MICAL2: variants seen among roughly 807,000 people sequenced by gnomAD.
The protein encoded by MICAL2 is microtubule associated monooxygenase, calponin and LIM domain containing 2, also known as [F-actin]-monooxygenase MICAL2.
A neutral mutation model predicts 127.3 loss-of-function variants in MICAL2; 77 were observed. The ratio of observed to expected loss-of-function variants is 0.60; its 90% CI spans 0.50 to 0.73. The LOEUF is 0.73. Among genes scored for constraint, MICAL2 ranks in the 30% least tolerant of loss-of-function variants. MICAL2 has a pLI of 0.00. For synonymous variants in MICAL2, 570 were observed against 551.1 expected, an observed-to-expected ratio of 1.03 and a Z score of -0.48; for missense variants, 1,351 against 1,434.4, an observed-to-expected ratio of 0.94 and a Z score of 0.94.
chr11:12,145,817 G>A (rs1006769719), intron 2 of MICAL2, among the ~76,000 whole-genome samples: 4 of 152,208 alleles, frequency 2.6e-5, no homozygotes, highest in Admixed American at 6.5e-5. Flanking sequence ...ACTGCCAGTT[G>A]GGTGGACGGC....
At chr11:12,129,008 A>G (rs7940840) in intron 1 of MICAL2, among the ~76,000 whole-genome samples, 28,960 of 152,176 alleles carry the variant, frequency 0.19, 3,169 homozygotes, top group South Asian at 0.32. Context: ...TGCCTTCTTA[A>G]TCTCTGAGGT....
intron 2 of MICAL2, among the ~76,000 whole-genome samples, chr11:12,146,469 C>T (rs1461128056): frequency 6.6e-6 from 1 of 152,234 alleles, no homozygotes; most frequent in Non-Finnish European, 1.5e-5. Context: ...AAATGCTCAT[C>T]ATCACTGGCC....
At chr11:12,291,177 G>A (rs1429048058), downstream of MICAL2, among the ~76,000 whole-genome samples, 1 of 152,174 alleles carries the variant, frequency 6.6e-6, no homozygotes, top group African/African-American at 2.4e-5. Context: ...GGTTGGGCTG[G>A]GGGTAGGTAC....
At chr11:12,344,919 A>C (rs991597974) in intron 32 of MICAL2, among the ~76,000 whole-genome samples, 18 of 149,250 alleles carry the variant, frequency 1.2e-4, no homozygotes, top group African/African-American at 4.4e-4. Context: ...CATCATGGCT[A>C]ACACGGTGAA....
In MICAL2 at chr11:12,222,635, G is replaced by C. The variant is rs756344018; in HGVS notation, c.1341G>C (p.Leu447=). ...LLAERESLYR[L]LPQTTPENIN... is the part of the protein sequence containing the mutation. ...CCTCCAGGGAAAGTCTCTACCGGCT[G>C]TTACCTCAGACAACCCCGGAGAACA... Residue 447 remains leucine (L), a synonymous_variant, in exon 11 of 28, where the codon CTG becomes CTC. Coordinates refer to ENST00000683283, the MANE Select transcript of MICAL2 (RefSeq NM_001282663.2). 1.5e-5 allele frequency: 24 copies of C among 1,614,114 alleles called. No homozygotes were observed. The highest frequency in any genetic ancestry group is 1.9e-5 in the Non-Finnish European group (23 of 1,180,054).
chr11:12,294,063 C>T (rs374774096), downstream of MICAL2: 1 of 1,613,994 alleles, frequency 6.2e-7, no homozygotes, highest in African/African-American at 1.3e-5. Flanking sequence ...GAGCGAATTT[C>T]CCAGAAAAGT....
intron 32 of MICAL2, among the ~76,000 whole-genome samples, chr11:12,330,898 A>AGTGTGTGTGTGTGTGT (rs757142831): frequency 8.3e-6 from 1 of 121,138 alleles, no homozygotes; most frequent in Non-Finnish European, 1.7e-5. Context: ...AGAGAGAGAG[A>AGTGTGTGTGTGTGTGT]GAGTGTGTGT....
chr11:12,323,883 C>T (rs1864327112), intron 30 of MICAL2: 1 of 1,345,228 alleles, frequency 7.4e-7, no homozygotes, highest in Non-Finnish European at 1.0e-6. Context: ...GGCTGGGAAT[C>T]ATTAGTTGGA....
At chr11:12,168,985 G>GA (rs1351005578) in intron 3 of MICAL2, among the ~76,000 whole-genome samples, 3 of 140,592 alleles carry the variant, frequency 2.1e-5, no homozygotes, top group Non-Finnish European at 3.1e-5. Context: ...AAAAGAGAGA[G>GA]AAAAAAAAAG....
chr11:12,259,425 T>C (rs1862797671), intron 25 of MICAL2, among the ~76,000 whole-genome samples: 1 of 152,262 alleles, frequency 6.6e-6, no homozygotes, highest in Non-Finnish European at 1.5e-5. Flanking sequence ...AATAATTTAC[T>C]TCACCACTTC....
At chr11:12,180,697 A>G (rs75299899) in intron 3 of MICAL2, among the ~76,000 whole-genome samples, 2,922 of 152,082 alleles carry the variant, frequency 0.019, 83 homozygotes, top group African/African-American at 0.065. Flanking sequence ...TCACTGGGTT[A>G]AGGGACTTGC....
Position 12,245,816 on chromosome 11 carries a change from G to A in MICAL2, c.2784+1704G>A, listed in dbSNP as rs114657646. 3.2e-3 allele frequency among the ~76,000 whole-genome samples: 492 copies of A among 152,332 alleles called. 4 individuals carry two copies. Among genetic ancestry groups the A allele is most frequent in the African/African-American group, 0.011 (478 of 41,580 alleles). Reference sequence around the variant, plus strand: ...GCAGGGTAGGCTTTTTGCCCAGTTAGGGAAAGGGACCTTCCCCAGGGTATA... The same window carrying A: ...GCAGGGTAGGCTTTTTGCCCAGTTAAGGAAAGGGACCTTCCCCAGGGTATA... On this transcript the variant is annotated intron_variant, in intron 21 of 27. Transcript: ENST00000683283.
chr11:12,345,201 T>C (rs539138547), intron 32 of MICAL2, among the ~76,000 whole-genome samples: 1 of 152,312 alleles, frequency 6.6e-6, no homozygotes, highest in East Asian at 1.9e-4. Context: ...CCACTCGTGT[T>C]TCGTGAGAAG....
intron 5 of MICAL2, 66 bp from the exon 6 acceptor site, chr11:12,209,431 C>T (rs780371055): frequency 2.0e-4 from 253 of 1,270,240 alleles, no homozygotes; most frequent in Non-Finnish European, 2.6e-4. Flanking sequence ...AGCCACCACA[C>T]GGGGGGTATA....
intron 26 of MICAL2, chr11:12,261,235 AC>A: frequency 1.0e-6 from 1 of 985,514 alleles, no homozygotes; most frequent in East Asian, 1.1e-4. Flanking sequence ...CTCCGCTGCC[AC>A]ACATATGTGG....
At position 12,226,282 on chromosome 11, in the gene MICAL2, A is replaced by G; in HGVS notation, c.1800A>G (p.Ala600=). The change falls in exon 14 of 28, where the codon GCA becomes GCG. Residue 600 remains alanine (A), a synonymous_variant. Transcript: ENST00000683283. ...CAGTGACCACGGGCAAAGAGATGGC[A>G]TCTGCCCAGGAGCCTGACAAGCTCA... ...IPPVTTGKEM[A]SAQEPDKLSM... 3 of 1,614,260 alleles carry G rather than the reference A, an allele frequency of 1.9e-6. No individual in the cohort carries two copies. The highest frequency in any genetic ancestry group is 2.5e-6 in the Non-Finnish European group (3 of 1,180,050).
intron 4 of MICAL2, among the ~76,000 whole-genome samples, chr11:12,206,547 G>A (rs555163077): frequency 9.9e-5 from 15 of 152,220 alleles, no homozygotes; most frequent in Admixed American, 8.5e-4. Context: ...GCAGGAGGTG[G>A]ATTGGGCTCT....
At chr11:12,152,929 G>T (rs1338650414) in intron 2 of MICAL2, among the ~76,000 whole-genome samples, 1 of 151,434 alleles carries the variant, frequency 6.6e-6, no homozygotes, top group Non-Finnish European at 1.5e-5. Context: ...ATAGAAGGTG[G>T]TGATGGTGGT....
chr11:12,284,914 G>A (rs1181692017), intron 2 of MICAL2, among the ~76,000 whole-genome samples: 1 of 152,142 alleles, frequency 6.6e-6, no homozygotes, highest in Non-Finnish European at 1.5e-5. Flanking sequence ...CCACCCGAAG[G>A]GTTCTCCTTG....
Sources: gnomAD v4.1 joint callset for allele counts (sites outside exome capture counted in the v4.1 genomes callset) on GRCh38, gnomAD v4.1.1 for gene constraint, MANE v1.5 for transcripts, NCBI Gene and HGNC (gene_info 2026-07-23, HGNC 2026-07-21) for gene names.